SHANK2: variants seen among roughly 807,000 people sequenced by gnomAD.
SHANK2 encodes SH3 and multiple ankyrin repeat domains 2, also known as SH3 and multiple ankyrin repeat domains protein 2.
In SHANK2, 43 loss-of-function variants were observed where a neutral mutation model predicts 133.7. The observed-to-expected ratio is 0.32, with a 90% CI of 0.25 to 0.41. The LOEUF (loss-of-function observed/expected upper bound fraction) is 0.41, where lower values mean the gene tolerates loss of function less well. SHANK2 is among the 10% of genes least tolerant of loss of function. The pLI, the probability that SHANK2 is intolerant of heterozygous loss-of-function variation, is 1.00. For missense variants in SHANK2, 1,994 were observed against 2,235.8 expected (o/e 0.89, Z 2.18); for synonymous variants, 1,017 against 952.8 (o/e 1.07, Z -1.24).
At chr11:70,630,312 G>C (rs2134080135) in intron 17 of SHANK2, among the ~76,000 whole-genome samples, 1 of 152,318 alleles carries the variant, frequency 6.6e-6, no homozygotes, top group South Asian at 2.1e-4. Context: ...ACAGGAACCA[G>C]GCCACGGCTG....
chr11:71,137,779 G>A (rs1355989044), intron 3 of SHANK2, among the ~76,000 whole-genome samples: 1 of 152,172 alleles, frequency 6.6e-6, no homozygotes, highest in Non-Finnish European at 1.5e-5. Flanking sequence ...TGCCATTCAG[G>A]ATCACGACCA....
chr11:70,751,721 A>G (rs1339577223), intron 14 of SHANK2, among the ~76,000 whole-genome samples: 1 of 152,232 alleles, frequency 6.6e-6, no homozygotes, highest in Non-Finnish European at 1.5e-5. Context: ...TGATAGCTAC[A>G]CCAAAAAAGG....
intron 10 of SHANK2, among the ~76,000 whole-genome samples, chr11:70,931,097 A>G (rs992393765): frequency 6.6e-6 from 1 of 152,200 alleles, no homozygotes; most frequent in African/African-American, 2.4e-5. Flanking sequence ...CACCATGCTC[A>G]GTGAAAGCAG....
intron 11 of SHANK2, chr11:70,863,406 C>T (rs782732562): frequency 6.6e-6 from 3 of 457,824 alleles, no homozygotes; most frequent in Non-Finnish European, 1.3e-5. Context: ...GGACGAGCCC[C>T]AAGCATCCTC....
intron 10 of SHANK2, among the ~76,000 whole-genome samples, chr11:70,903,583 G>A (rs1294010014): frequency 2.6e-5 from 4 of 152,082 alleles, no homozygotes; most frequent in Non-Finnish European, 5.9e-5. Flanking sequence ...ATTGGCAAGC[G>A]TCATTGGGAA....
chr11:71,120,741 C>T (rs1952069153), intron 3 of SHANK2, among the ~76,000 whole-genome samples: 1 of 152,206 alleles, frequency 6.6e-6, no homozygotes, highest in South Asian at 2.1e-4. Flanking sequence ...AAACTCCTGG[C>T]ACAAGAAACA....
intron 11 of SHANK2, among the ~76,000 whole-genome samples, chr11:70,836,644 C>T (rs1948822426): frequency 6.6e-6 from 1 of 152,170 alleles, no homozygotes; most frequent in Non-Finnish European, 1.5e-5. Flanking sequence ...ACTGCAGATG[C>T]CAGGACCACA....
At chr11:70,913,001 C>T (rs782721493) in intron 10 of SHANK2, among the ~76,000 whole-genome samples, 2 of 151,734 alleles carry the variant, frequency 1.3e-5, no homozygotes, top group South Asian at 2.1e-4. Flanking sequence ...AATTTACAGT[C>T]TCAGGGAACT....
intron 15 of SHANK2, among the ~76,000 whole-genome samples, chr11:70,677,297 C>G (rs1254445343): frequency 6.6e-6 from 1 of 152,198 alleles, no homozygotes; most frequent in Non-Finnish European, 1.5e-5. Flanking sequence ...ACAAGCCACA[C>G]AGTTGCAAAG....
chr11:70,671,236 G>A (rs1469453767), intron 15 of SHANK2, among the ~76,000 whole-genome samples: 1 of 152,170 alleles, frequency 6.6e-6, no homozygotes, highest in Non-Finnish European at 1.5e-5. Flanking sequence ...ATGACGGGGT[G>A]TGATCAGCGC....
Position 71,109,957 on chromosome 11 carries a change from G to A in SHANK2, c.576C>T (p.His192=), listed in dbSNP as rs561132233. 760 of 1,550,994 alleles carry A rather than the reference G, an allele frequency of 4.9e-4. 9 individuals carry two copies. In the South Asian group the frequency reaches 7.8e-3, roughly 16 times the overall value. ...MLDRGLDPNF[H]DPETGETPLT... ...AGTGCTCACCTCCGGTCTCCGGGTC[G>A]TGGAAATTGGGATCCAGGCCTCGGT... The change falls in exon 6 of 26, where the codon CAC becomes CAT. Residue 192 remains histidine, a synonymous_variant. Transcript: ENST00000601538.
chr11:71,212,994 G>A (rs1367171012), intron 2 of SHANK2, among the ~76,000 whole-genome samples: 1 of 151,752 alleles, frequency 6.6e-6, no homozygotes, highest in Non-Finnish European at 1.5e-5. Flanking sequence ...CCCAGGGGGA[G>A]GCACAGGGAG....
rs1478308148 is a variant in SHANK2, at chr11:70,659,651, C to CACCA, written c.2061+173_2061+176dup. ...GCCAAGGCCTCCAAGACAAGCCCAA[C>CACCA]ACCAGGTCCACAGGCAGTGGCACCC... On this transcript the variant is annotated intron_variant, in intron 17 of 25. Coordinates refer to ENST00000601538, the MANE Select transcript of SHANK2 (RefSeq NM_012309.5). 1.3e-5 allele frequency among the ~76,000 whole-genome samples: 2 copies of CACCA among 152,212 alleles called. 1 individual carries two copies. The highest frequency in any genetic ancestry group is 2.9e-5 in the Non-Finnish European group (2 of 68,040).
chr11:70,561,997 T>C (rs560283332), intron 17 of SHANK2, among the ~76,000 whole-genome samples: 3 of 152,350 alleles, frequency 2.0e-5, no homozygotes, highest in African/African-American at 7.2e-5. Flanking sequence ...TGTTGTACTT[T>C]CATTTTCATT....
chr11:71,123,178 C>T (rs571800535), intron 3 of SHANK2, among the ~76,000 whole-genome samples: 7 of 152,296 alleles, frequency 4.6e-5, no homozygotes, highest in African/African-American at 1.4e-4. Flanking sequence ...ATCATTGACT[C>T]ACTGTCCAAT....
At chr11:71,170,461 G>T (rs144210404) in intron 2 of SHANK2, among the ~76,000 whole-genome samples, 14 of 152,342 alleles carry the variant, frequency 9.2e-5, no homozygotes, top group African/African-American at 3.1e-4. Flanking sequence ...CGTGTCTGGT[G>T]TATCACCAGC....
intron 2 of SHANK2, among the ~76,000 whole-genome samples, chr11:71,186,049 A>G (rs1474756829): frequency 1.3e-5 from 2 of 152,138 alleles, no homozygotes; most frequent in Admixed American, 6.5e-5. Context: ...TGAGTCATCC[A>G]TGGCTCATTC....
At chr11:70,894,159 C>T (rs1212975129) in intron 11 of SHANK2, among the ~76,000 whole-genome samples, 1 of 152,184 alleles carries the variant, frequency 6.6e-6, no homozygotes, top group Non-Finnish European at 1.5e-5. Flanking sequence ...GGTGCTTCAA[C>T]GTACTTGGAA....
At chr11:71,232,694 A>G (rs1332679762) in intron 1 of SHANK2, among the ~76,000 whole-genome samples, 2 of 152,094 alleles carry the variant, frequency 1.3e-5, no homozygotes, top group Non-Finnish European at 2.9e-5. Context: ...TCTTTTCTCT[A>G]CCTTATTTAA....
Sources: allele counts gnomAD v4.1 joint callset (sites outside exome capture counted in the v4.1 genomes callset), GRCh38; gene constraint gnomAD v4.1.1; transcripts MANE v1.5; gene names NCBI Gene and HGNC (gene_info 2026-07-23, HGNC 2026-07-21).